The following HECW1 variants were observed in gnomAD, a reference collection of about 807,000 sequenced individuals.
The protein encoded by HECW1 is HECT, C2 and WW domain containing E3 ubiquitin protein ligase 1.
HECW1 carries 61 observed loss-of-function variants against 182.3 expected under a neutral mutation model. That is an observed-to-expected ratio of 0.33 (90% CI 0.27 to 0.41). The LOEUF (loss-of-function observed/expected upper bound fraction) is 0.41. Among genes scored for constraint, HECW1 ranks in the 10% least tolerant of loss-of-function variants. The pLI is 1.00. For missense variants in HECW1, 1,739 were observed against 2,108.9 expected (o/e 0.82, Z 3.44); for synonymous variants, 859 against 832.6 (o/e 1.03, Z -0.55).
In HECW1 at chr7:43,311,791, T is replaced by C. The variant is rs1297645692; in HGVS notation, c.56T>C (p.Leu19Pro). The C allele has an allele frequency of 6.2e-7, 1 of 1,613,822 alleles. No homozygotes were observed. Among genetic ancestry groups the C allele is most frequent in the African/African-American group, 1.3e-5 (1 of 74,924 alleles). ...KNLYQNRFLG[L>P]AAMASPSRNS... ...CTGTACCAGAACAGGTTTTTAGGCC[T>C]GGCCGCCATGGCGTCTCCTTCTAGA... Residue 19 changes from leucine (L) to proline (P), a missense_variant, in exon 4 of 30, where the codon CTG (leucine) becomes CCG (proline). Coordinates refer to ENST00000395891, the MANE Select transcript of HECW1 (RefSeq NM_015052.5).
chr7:43,355,511 T>G (rs912373079), intron 5 of HECW1, among the ~76,000 whole-genome samples: 1 of 150,786 alleles, frequency 6.6e-6, no homozygotes, highest in Non-Finnish European at 1.5e-5. Flanking sequence ...TGATCTAAGA[T>G]AAGTTGTCAT....
intron 2 of HECW1, among the ~76,000 whole-genome samples, chr7:43,143,938 T>G (rs184862137): frequency 1.3e-5 from 2 of 152,236 alleles, no homozygotes; most frequent in African/African-American, 4.8e-5. Context: ...TTTGACCTGC[T>G]AAGACTGTGT....
chr7:43,488,473 AAAGAAAGAAAG>A lies in HECW1; in HGVS notation c.3235-3599_3235-3589del, dbSNP rs1382042531. On this transcript the variant is annotated intron_variant, in intron 17 of 29. Coordinates refer to ENST00000395891, the MANE Select transcript of HECW1 (RefSeq NM_015052.5). Reference sequence around the variant, plus strand: ...GAAAGAAAGAAAGAAAGAAAGAAAGAAAGAAAGAAAGAAAGAGAAAGAAAGAAAGAAAAGAA... The same window carrying A: ...GAAAGAAAGAAAGAAAGAAAGAAAGAAAAGAGAAAGAAAGAAAGAAAAGAA... 4.1e-4 allele frequency among the ~76,000 whole-genome samples: 60 copies of A among 146,954 alleles called. 2 individuals are homozygous for A. Among genetic ancestry groups the A allele is most frequent in the Middle Eastern group, 7.0e-3 (2 of 284 alleles).
At chr7:43,283,737 G>C (rs764395690) in intron 3 of HECW1, among the ~76,000 whole-genome samples, 1 of 152,170 alleles carries the variant, frequency 6.6e-6, no homozygotes. Flanking sequence ...CCCTCAAAGT[G>C]GGACCCCAAA....
chr7:43,558,476 G>A (rs755060488), intron 29 of HECW1, among the ~76,000 whole-genome samples: 11 of 152,292 alleles, frequency 7.2e-5, no homozygotes, highest in South Asian at 2.1e-4. Context: ...TCAAAGTGGG[G>A]CTGGGGAAGG....
intron 3 of HECW1, among the ~76,000 whole-genome samples, chr7:43,258,056 A>C (rs1165916753): frequency 6.6e-6 from 1 of 152,148 alleles, no homozygotes; most frequent in African/African-American, 2.4e-5. Flanking sequence ...TTACACAGTA[A>C]AGGCCAGGCG....
intron 2 of HECW1, among the ~76,000 whole-genome samples, chr7:43,189,249 A>G (rs7786567): frequency 0.24 from 36,670 of 152,114 alleles, 4,623 homozygotes; most frequent in Middle Eastern, 0.26. Context: ...CCATATCATA[A>G]CTACTCAAAT....
At chr7:43,316,575 A>G (rs1276483698) in intron 4 of HECW1, among the ~76,000 whole-genome samples, 5 of 152,098 alleles carry the variant, frequency 3.3e-5, no homozygotes, top group African/African-American at 1.2e-4. Context: ...CTAAGATCAC[A>G]TAATAATGGT....
chr7:43,288,149 A>G (rs1241625716), intron 3 of HECW1, among the ~76,000 whole-genome samples: 2 of 152,122 alleles, frequency 1.3e-5, no homozygotes. Flanking sequence ...TTCTTTCTCT[A>G]GGGCTTTTTC....
intron 3 of HECW1, chr7:43,274,387 A>G: frequency 1.6e-6 from 1 of 638,656 alleles, no homozygotes. Context: ...GCGGGTAAAG[A>G]ACTTCAGCGT....
chr7:43,208,709 C>G (rs971365891), intron 2 of HECW1, among the ~76,000 whole-genome samples: 1 of 152,244 alleles, frequency 6.6e-6, no homozygotes, highest in Admixed American at 6.5e-5. Flanking sequence ...ACATGCTCCT[C>G]TTAGGCAATT....
chr7:43,140,693 T>C (rs1788063420), intron 2 of HECW1, among the ~76,000 whole-genome samples: 2 of 152,230 alleles, frequency 1.3e-5, no homozygotes, highest in Non-Finnish European at 2.9e-5. Context: ...ATGCAAATGC[T>C]CCCTTTTTGC....
chr7:43,478,197 A>C (rs1396516341), intron 16 of HECW1, among the ~76,000 whole-genome samples: 2 of 152,178 alleles, frequency 1.3e-5, no homozygotes, highest in African/African-American at 4.8e-5. Context: ...TGGGCAGATC[A>C]CCTGAGGTCA....
Position 43,116,034 on chromosome 7 carries a change from C to T in HECW1, c.-32+1643C>T, listed in dbSNP as rs551986071. ...AGTGGATTTCAGGTCATAAAAATGC[C>T]CTCTAATTGTATAGGCAGGAGGTAG... On this transcript the variant is annotated intron_variant, in intron 2 of 29. Coordinates refer to ENST00000395891, the MANE Select transcript of HECW1 (RefSeq NM_015052.5). Among the ~76,000 whole-genome samples the T allele has an allele frequency of 1.4e-4, 22 of 152,110 alleles. No homozygotes were observed. The South Asian group carries it at 4.6e-3, about 32-fold the overall frequency.
Position 43,445,069 on chromosome 7 carries a change from T to A in HECW1, c.1897T>A (p.Ser633Thr), listed in dbSNP as rs558602358. 1 of 1,596,194 alleles carries A rather than the reference T, an allele frequency of 6.3e-7. No individual in the cohort carries two copies. Among genetic ancestry groups the A allele is most frequent in the East Asian group, 2.2e-5 (1 of 44,636 alleles). The change falls in exon 11 of 30, where the codon TCC becomes ACC. Residue 633 changes from serine (S) to threonine (T), a missense_variant. Physicochemically the swap from Ser to Thr is moderately conservative, Grantham distance 58 (BLOSUM62 1). Coordinates refer to ENST00000395891, the MANE Select transcript of HECW1 (RefSeq NM_015052.5). The stretch of plus-strand genomic sequence containing the variant: ...TCCAGGCACGGCGCACCCTGGCCAC[T>A]CCGGGGGCCACTTCCCCAGCCTGGC... ...ATPGTAHPGH[S>T]GGHFPSLANG... is the part of the protein sequence containing the mutation.
At chr7:43,407,797 T>C (rs2075660439) in intron 8 of HECW1, 66 bp downstream of exon 8, 1 of 1,405,900 alleles carries the variant, frequency 7.1e-7, no homozygotes, top group Non-Finnish European at 9.8e-7. Flanking sequence ...GAACCAGCCC[T>C]CCTCCTTCCC....
chr7:43,373,187 G>A (rs534444648), intron 6 of HECW1, among the ~76,000 whole-genome samples: 2 of 149,306 alleles, frequency 1.3e-5, no homozygotes, highest in South Asian at 2.2e-4. Flanking sequence ...CGTTGGTGTC[G>A]TTCTGCCTTC....
intron 7 of HECW1, among the ~76,000 whole-genome samples, chr7:43,398,755 G>GAC (rs1268165404): frequency 1.3e-5 from 2 of 152,248 alleles, no homozygotes; most frequent in African/African-American, 4.8e-5. Flanking sequence ...CAGGAGACCA[G>GAC]AGTTTTAGTA....
At chr7:43,367,465 A>G (rs1186845703) in intron 6 of HECW1, among the ~76,000 whole-genome samples, 5 of 152,206 alleles carry the variant, frequency 3.3e-5, no homozygotes, top group Admixed American at 2.0e-4. Flanking sequence ...ACAGTACAAT[A>G]TTCTATTTTT....
Sources: gnomAD v4.1 joint callset for allele counts (sites outside exome capture counted in the v4.1 genomes callset) on GRCh38, gnomAD v4.1.1 for gene constraint, MANE v1.5 for transcripts, NCBI Gene and HGNC (gene_info 2026-07-23, HGNC 2026-07-21) for gene names.